Variants in NECTIN1 observed in about 807,000 individuals in gnomAD.
NECTIN1 encodes nectin-1.
NECTIN1 carries 23 observed loss-of-function variants against 48.0 expected under a neutral mutation model. That is an observed-to-expected ratio of 0.48 (90% CI 0.34 to 0.68). NECTIN1 has a LOEUF of 0.68. NECTIN1 is among the 30% of genes least tolerant of loss of function. The probability of loss-of-function intolerance (pLI) is 0.01; values close to 1 mark genes in which losing one functional copy is unlikely to be tolerated. For missense variants in NECTIN1, 591 were observed against 709.9 expected (o/e 0.83, Z 1.90); for synonymous variants, 270 against 288.9 (o/e 0.93, Z 0.66).
chr11:119,664,703 G>A lies in NECTIN1; in HGVS notation c.*44C>T, dbSNP rs878868065. 6 of 1,531,852 alleles carry A rather than the reference G, an allele frequency of 3.9e-6. No homozygotes were observed. In the South Asian group the frequency reaches 6.2e-5, roughly 16 times the overall value. The allele number at this position is 1,531,852 out of a possible 1,614,324, so 94.9% of individuals were successfully genotyped here. A position where few individuals can be genotyped will look rare whatever the true frequency, so the allele number is the denominator to read the frequency against. Reference sequence around the variant, plus strand: ...GGGTGGGCAGGGGGCGTGCGGGGAGGGGCTGGGGAGGAGCGGTCACAGACA... The same window carrying A: ...GGGTGGGCAGGGGGCGTGCGGGGAGAGGCTGGGGAGGAGCGGTCACAGACA... On this transcript the variant is annotated 3_prime_UTR_variant, in exon 6 of 6. Transcript: ENST00000264025.
chr11:119,648,237 GATAGTGGTGGTGATAGAGGTGGTAATA>G, intron 5 of NECTIN1, among the ~76,000 whole-genome samples: 1 of 111,618 alleles, frequency 9.0e-6, no homozygotes, highest in Non-Finnish European at 1.9e-5. Flanking sequence ...TGATGGTGGT[GATAGTGGTGGTGATAGAGGTGGTAATA>G]GTGGTGGTGG....
chr11:119,667,429 G>A (rs987750493), intron 5 of NECTIN1, among the ~76,000 whole-genome samples: 1 of 152,174 alleles, frequency 6.6e-6, no homozygotes, highest in Admixed American at 6.5e-5. Context: ...GCCTCCCCAG[G>A]GAAGCAAAGG....
rs1321171448 is a variant in NECTIN1, at chr11:119,684,540, G to A, written c.80-5775C>T. ...ACTGGCAGAAGGGGACAGGATGTCC[G>A]GTGAGAAACCGGCTAAGTGGTAAGT... On this transcript the variant is annotated intron_variant, in intron 1 of 5. Coordinates refer to ENST00000264025, the MANE Select transcript of NECTIN1 (RefSeq NM_002855.5). The surrounding 1 kb of genome is among the most constrained non-coding windows in gnomAD (Gnocchi z 5.2). Among the ~76,000 whole-genome samples, 2 of 152,274 alleles carry A rather than the reference G, an allele frequency of 1.3e-5. No individual in the cohort carries two copies. The highest frequency in any genetic ancestry group is 6.5e-5 in the Admixed American group (1 of 15,306).
chr11:119,715,052 G>C (rs1305027996), intron 1 of NECTIN1, among the ~76,000 whole-genome samples: 1 of 152,206 alleles, frequency 6.6e-6, no homozygotes, highest in African/African-American at 2.4e-5. Context: ...CAGGGGGAAG[G>C]GGGAGCTGGG....
intron 1 of NECTIN1, among the ~76,000 whole-genome samples, chr11:119,726,570 A>T (rs1865909634): frequency 6.6e-6 from 1 of 152,202 alleles, no homozygotes; most frequent in African/African-American, 2.4e-5. Flanking sequence ...ACCTTGAGCC[A>T]GGTGAGTTCA....
At chr11:119,705,777 C>A (rs903408481) in intron 1 of NECTIN1, among the ~76,000 whole-genome samples, 1 of 152,222 alleles carries the variant, frequency 6.6e-6, no homozygotes, top group Non-Finnish European at 1.5e-5. Flanking sequence ...CTGCAATCAT[C>A]TGGGGCATCT....
intron 1 of NECTIN1, among the ~76,000 whole-genome samples, chr11:119,703,758 A>T (rs1865495907): frequency 6.6e-6 from 1 of 152,184 alleles, no homozygotes; most frequent in South Asian, 2.1e-4. Context: ...TTATTGGTAA[A>T]GTCCTCTGCC....
intron 1 of NECTIN1, among the ~76,000 whole-genome samples, chr11:119,691,585 T>C (rs1053451080): frequency 6.6e-6 from 1 of 152,178 alleles, no homozygotes; most frequent in African/African-American, 2.4e-5. Context: ...GCTTTCCCTT[T>C]CCCCAGTGCC....
At chr11:119,718,289 C>T (rs529458014) in intron 1 of NECTIN1, among the ~76,000 whole-genome samples, 1 of 152,336 alleles carries the variant, frequency 6.6e-6, no homozygotes, top group African/African-American at 2.4e-5. Flanking sequence ...GGATAGTTCT[C>T]TGCCCTCGCC....
downstream of NECTIN1, among the ~76,000 whole-genome samples, chr11:119,658,826 T>C (rs1011630482): frequency 2.6e-5 from 4 of 152,178 alleles, no homozygotes; most frequent in African/African-American, 9.7e-5. Flanking sequence ...CCTGGGTTCC[T>C]CCCCTCCTGC....
intron 1 of NECTIN1, among the ~76,000 whole-genome samples, chr11:119,722,169 T>C (rs1263971080): frequency 1.3e-5 from 2 of 152,250 alleles, no homozygotes; most frequent in African/African-American, 4.8e-5. Context: ...TTACTAAACC[T>C]AGGTCTTACT....
chr11:119,703,657 G>A (rs1049135923), intron 1 of NECTIN1, among the ~76,000 whole-genome samples: 9 of 152,204 alleles, frequency 5.9e-5, no homozygotes, highest in African/African-American at 2.2e-4. Context: ...TCCCAACAAC[G>A]AGGCTGACGC....
chr11:119,715,510 C>T (rs942308371), intron 1 of NECTIN1, among the ~76,000 whole-genome samples: 1 of 152,146 alleles, frequency 6.6e-6, no homozygotes, highest in Non-Finnish European at 1.5e-5. Context: ...TGCCCATAAC[C>T]ATGCCTGGCT....
At chr11:119,653,641 ATGT>A (rs1188130139) in intron 5 of NECTIN1, among the ~76,000 whole-genome samples, 6 of 152,212 alleles carry the variant, frequency 3.9e-5, no homozygotes, top group Admixed American at 6.5e-5. Flanking sequence ...TTACTTCTTG[ATGT>A]TGTTTCCATG....
chr11:119,711,048 A>G (rs1865634962), intron 1 of NECTIN1, among the ~76,000 whole-genome samples: 1 of 140,162 alleles, frequency 7.1e-6, no homozygotes, highest in African/African-American at 2.8e-5. Context: ...CATGGGGGTT[A>G]AATAGGGTTG....
At chr11:119,645,101 A>G (rs1470560776) in intron 5 of NECTIN1, among the ~76,000 whole-genome samples, 1 of 17,410 alleles carries the variant, frequency 5.7e-5, no homozygotes, top group African/African-American at 6.2e-5. Flanking sequence ...CCTCTGATGC[A>G]GGCCACAGGT....
rs1387772607 is a variant in NECTIN1, at chr11:119,663,023, G to C, written c.*1724C>G. On this transcript the variant is annotated 3_prime_UTR_variant, in exon 6 of 6. Transcript: ENST00000264025. ...GGGTTCAATAGCAGCACCAGGGAGG[G>C]GAGGGGAGGGGTTGGGGGGCTCCCT... is the stretch of plus-strand genomic sequence containing the variant. The C allele has an allele frequency of 2.0e-6, 2 of 982,740 alleles. No individual in the cohort carries two copies. The highest frequency in any genetic ancestry group is 2.4e-6 in the Non-Finnish European group (2 of 829,248). 60.9% of individuals were successfully genotyped at this position (982,740 alleles called of 1,614,324 possible). A position where few individuals can be genotyped will look rare whatever the true frequency, so the allele number is the denominator to read the frequency against.
downstream of NECTIN1, among the ~76,000 whole-genome samples, chr11:119,657,364 C>A (rs1284403581): frequency 1.3e-5 from 2 of 152,022 alleles, no homozygotes; most frequent in Non-Finnish European, 2.9e-5. Flanking sequence ...GCCTATAATC[C>A]CAGCACTTTG....
At chr11:119,692,345 A>G (rs1458313802) in intron 1 of NECTIN1, among the ~76,000 whole-genome samples, 2 of 150,972 alleles carry the variant, frequency 1.3e-5, no homozygotes, top group African/African-American at 4.9e-5. Context: ...CCCTCCTTCC[A>G]TTCCCATGCT....
Sources: allele counts gnomAD v4.1 joint callset (sites outside exome capture counted in the v4.1 genomes callset), GRCh38; gene constraint gnomAD v4.1.1; non-coding constraint Gnocchi (gnomAD v3.1); transcripts MANE v1.5; gene names NCBI Gene and HGNC (gene_info 2026-07-23, HGNC 2026-07-21).